The following TCF12 variants were observed in gnomAD, a reference collection of about 807,000 sequenced individuals.
TCF12 encodes transcription factor 12, also known as DNA-binding protein HTF4.
Under a neutral mutation model 86.0 loss-of-function variants are expected in TCF12, and 45 were observed. The observed-to-expected ratio is 0.52, with a 90% CI of 0.41 to 0.67. The LOEUF is 0.67. Among genes scored for constraint, TCF12 ranks in the 30% least tolerant of loss-of-function variants. The pLI, the probability that TCF12 is intolerant of heterozygous loss-of-function variation, is 0.00. For missense variants in TCF12, 881 were observed against 859.9 expected (o/e 1.02, Z -0.31); for synonymous variants, 330 against 299.6 (o/e 1.10, Z -1.05).
chr15:57,114,337 C>T (rs1260548691), intron 5 of TCF12, among the ~76,000 whole-genome samples: 1 of 152,172 alleles, frequency 6.6e-6, no homozygotes, highest in Non-Finnish European at 1.5e-5. Flanking sequence ...GTTGTGCAGG[C>T]TGGAGTGCAG....
At chr15:57,278,829 T>C (rs2061542978) in intron 19 of TCF12, among the ~76,000 whole-genome samples, 1 of 150,682 alleles carries the variant, frequency 6.6e-6, no homozygotes, top group Non-Finnish European at 1.5e-5. Flanking sequence ...TTTTCTTTCT[T>C]TCTCTTTCTC....
intron 6 of TCF12, among the ~76,000 whole-genome samples, chr15:57,180,639 A>G (rs951486739): frequency 8.0e-6 from 1 of 124,604 alleles, no homozygotes; most frequent in Non-Finnish European, 1.9e-5. Context: ...GCTTGAAATT[A>G]AGGAATTCTG....
At chr15:56,947,934 G>C (rs1420449031) in intron 3 of TCF12, among the ~76,000 whole-genome samples, 1 of 152,174 alleles carries the variant, frequency 6.6e-6, no homozygotes, top group African/African-American at 2.4e-5. Flanking sequence ...ATACAAGTGA[G>C]AGCCTGCAGA....
At chr15:57,043,028 T>C (rs2066999979) in intron 3 of TCF12, among the ~76,000 whole-genome samples, 1 of 152,210 alleles carries the variant, frequency 6.6e-6, no homozygotes, top group African/African-American at 2.4e-5. Context: ...TGGCTTACTT[T>C]ATTAACATGT....
intron 8 of TCF12, among the ~76,000 whole-genome samples, chr15:57,222,567 C>T (rs2058648253): frequency 6.6e-6 from 1 of 151,578 alleles, no homozygotes; most frequent in South Asian, 2.1e-4. Context: ...AACTATTTTG[C>T]ACCTTATACT....
At chr15:57,265,703 T>G (rs548400209) in intron 18 of TCF12, among the ~76,000 whole-genome samples, 1 of 152,328 alleles carries the variant, frequency 6.6e-6, no homozygotes, top group East Asian at 1.9e-4. Context: ...ACTGGTTTTA[T>G]TATGTGTCAT....
At chr15:57,263,458 G>A (rs1342482439) in intron 18 of TCF12, among the ~76,000 whole-genome samples, 184 bp downstream of exon 18, 1 of 152,092 alleles carries the variant, frequency 6.6e-6, no homozygotes, top group African/African-American at 2.4e-5. Context: ...ATGAAGGTTT[G>A]ATTTCAAAAT....
intron 8 of TCF12, among the ~76,000 whole-genome samples, chr15:57,205,325 A>T (rs1163043340): frequency 6.6e-6 from 1 of 152,152 alleles, no homozygotes; most frequent in Admixed American, 6.6e-5. Flanking sequence ...AATAAAAACA[A>T]ACAATTATCC....
At chr15:57,266,725 TC>T (rs753688310) in intron 18 of TCF12, among the ~76,000 whole-genome samples, 1 of 152,152 alleles carries the variant, frequency 6.6e-6, no homozygotes, top group Non-Finnish European at 1.5e-5. Context: ...AAATTTTTCT[TC>T]CAGTTCTACA....
At chr15:56,968,722 A>G (rs72749452) in intron 3 of TCF12, among the ~76,000 whole-genome samples, 2,612 of 152,314 alleles carry the variant, frequency 0.017, 40 homozygotes, top group Non-Finnish European at 0.027. Flanking sequence ...TAGAAAGTGT[A>G]TTTTGCCAAG....
chr15:57,230,584 A>G (rs1303789311), intron 8 of TCF12, among the ~76,000 whole-genome samples: 2 of 152,080 alleles, frequency 1.3e-5, no homozygotes, highest in Admixed American at 6.5e-5. Context: ...CAGACTTGAA[A>G]GTGTACTGGA....
chr15:56,934,377 T>C (rs2060376731), intron 3 of TCF12, among the ~76,000 whole-genome samples: 3 of 152,212 alleles, frequency 2.0e-5, no homozygotes, highest in Admixed American at 1.3e-4. Flanking sequence ...TTTATACTCC[T>C]GAGTGAGGAG....
At chr15:57,005,140 CT>C (rs1445954362) in intron 3 of TCF12, among the ~76,000 whole-genome samples, 1 of 152,152 alleles carries the variant, frequency 6.6e-6, no homozygotes, top group Non-Finnish European at 1.5e-5. Context: ...TTAGTTGATA[CT>C]TCCTAGTATT....
At chr15:57,046,046 T>G (rs1435707350) in intron 3 of TCF12, among the ~76,000 whole-genome samples, 1 of 152,234 alleles carries the variant, frequency 6.6e-6, no homozygotes, top group Non-Finnish European at 1.5e-5. Flanking sequence ...ACAATAGGAA[T>G]GAAAAACCTT....
intron 8 of TCF12, among the ~76,000 whole-genome samples, chr15:57,230,464 G>C (rs1470545660): frequency 6.6e-6 from 1 of 151,958 alleles, no homozygotes; most frequent in Non-Finnish European, 1.5e-5. Flanking sequence ...GCAAATGTTG[G>C]CCATTTGCTA....
intron 13 of TCF12, chr15:57,251,070 G>A: frequency 3.3e-6 from 1 of 306,018 alleles, no homozygotes; most frequent in Non-Finnish European, 6.1e-6. Context: ...AAGATACATA[G>A]GCATGTGGAC....
chr15:57,099,927 C>CT lies in TCF12; in HGVS notation c.325+8038dup, dbSNP rs2049607450. On this transcript the variant is annotated intron_variant, in intron 5 of 20. Coordinates refer to ENST00000333725, the MANE Select transcript of TCF12 (RefSeq NM_207037.2). ...TTTTTTGGTGAGCTCACAACATTGG[C>CT]TTAACTATGCATCCTTGCAAACTCT... Among the ~76,000 whole-genome samples, 6 of 151,932 alleles carry CT rather than the reference C, an allele frequency of 3.9e-5. No individual in the cohort carries two copies. The South Asian group carries it at 1.2e-3, about 32-fold the overall frequency.
chr15:57,096,434 A>G (rs1217385961), intron 5 of TCF12, among the ~76,000 whole-genome samples: 2 of 152,124 alleles, frequency 1.3e-5, no homozygotes, highest in East Asian at 3.9e-4. Context: ...TCTGAAAAGT[A>G]AAATAGCATC....
intron 5 of TCF12, among the ~76,000 whole-genome samples, chr15:57,123,827 G>C (rs1032137264): frequency 6.6e-6 from 1 of 151,934 alleles, no homozygotes; most frequent in East Asian, 1.9e-4. Context: ...GGGCCTGGTG[G>C]CAGGCGCCTG....
Sources: allele counts gnomAD v4.1 joint callset (sites outside exome capture counted in the v4.1 genomes callset), GRCh38; gene constraint gnomAD v4.1.1; transcripts MANE v1.5; gene names NCBI Gene and HGNC (gene_info 2026-07-23, HGNC 2026-07-21).